Variants in SLK observed in about 807,000 individuals in gnomAD.
The protein encoded by SLK is STE20 like kinase.
In SLK, 67 loss-of-function variants were observed where a neutral mutation model predicts 147.7. The ratio of observed to expected loss-of-function variants is 0.45; its 90% CI spans 0.37 to 0.56. The LOEUF is 0.56. SLK is among the 20% of genes least tolerant of loss of function. The pLI is 0.00. For missense variants in SLK, 1,136 were observed against 1,438.8 expected, an observed-to-expected ratio of 0.79 and a Z score of 3.41; for synonymous variants, 441 against 475.0, an observed-to-expected ratio of 0.93 and a Z score of 0.93.
At chr10:104,003,558 T>G in intron 9 of SLK, 31 bp downstream of exon 9, 7 of 1,503,176 alleles carry the variant, frequency 4.7e-6, no homozygotes, top group Non-Finnish European at 6.2e-6. Flanking sequence ...GTTTGGGTTT[T>G]CCTTTGCCAT....
At chr10:104,019,675 T>C (rs1317557687) in intron 15 of SLK, 59 bp from the exon 16 acceptor site, 4 of 1,231,560 alleles carry the variant, frequency 3.2e-6, no homozygotes, top group Admixed American at 1.8e-5. Flanking sequence ...TATTTGAATA[T>C]GCATGTGGGT....
chr10:103,975,190 C>CT (rs1843853611), intron 1 of SLK, among the ~76,000 whole-genome samples: 1 of 151,652 alleles, frequency 6.6e-6, no homozygotes, highest in Admixed American at 6.6e-5. Context: ...TAAGACCTCC[C>CT]TTTTGAACTC....
intron 1 of SLK, among the ~76,000 whole-genome samples, chr10:103,986,669 T>TTC (rs200868155): frequency 0.05 from 3,763 of 75,428 alleles, 98 homozygotes; most frequent in South Asian, 0.17. Flanking sequence ...ATGTGAAGAG[T>TTC]TTTTTTTTTT....
intron 1 of SLK, among the ~76,000 whole-genome samples, chr10:103,975,895 G>A (rs577260869): frequency 6.6e-6 from 1 of 151,936 alleles, no homozygotes; most frequent in Admixed American, 6.6e-5. Context: ...GGCAACATAG[G>A]GAGACCCCAT....
At chr10:103,981,266 A>G (rs552941774) in intron 1 of SLK, among the ~76,000 whole-genome samples, 20 of 152,040 alleles carry the variant, frequency 1.3e-4, no homozygotes, top group African/African-American at 4.3e-4. Flanking sequence ...CAGATACATG[A>G]TTTGTAAATA....
rs756037016 is a variant in SLK at position 104,006,052 on chromosome 10, A to G, written c.2604+17A>G. On this transcript the variant is annotated intron_variant, in intron 11 of 18. Transcript: ENST00000369755. ...GAAATGATGGTAAAGTCTGATTGTT[A>G]TACCATTTTATATCATTTTGTGTTA... 4 of 1,601,554 alleles carry G rather than the reference A, an allele frequency of 2.5e-6. No homozygotes were observed. The highest frequency in any genetic ancestry group is 2.7e-5 in the African/African-American group (2 of 74,052).
rs780021270 is a variant in SLK, at chr10:104,002,773, G to T, written c.1595G>T (p.Gly532Val). Residue 532 changes from glycine (G) to valine (V), a missense_variant, in exon 9 of 19, where the codon GGG becomes GTG. Physicochemically the swap from Gly to Val is moderately radical, Grantham distance 109. Around this residue, in one of 6 missense-constraint regions of SLK, gnomAD observed 516 missense variants for 531.3 expected, o/e 0.97. Transcript: ENST00000369755. ...LTKEDTQEKL[G>V]EDDKTQKDVI... ...AAGGAAGACACCCAAGAGAAATTGGGGGAAGACGACAAAACTCAAAAAGAT... is the reference window on the plus strand; with the variant it reads ...AAGGAAGACACCCAAGAGAAATTGGTGGAAGACGACAAAACTCAAAAAGAT... 6.2e-7 allele frequency: 1 copy of T among 1,613,978 alleles called. No individual in the cohort carries two copies. The highest frequency in any genetic ancestry group is 8.5e-7 in the Non-Finnish European group (1 of 1,180,022).
chr10:104,018,039 C>T (rs1844486302), intron 13 of SLK, 121 bp from the exon 14 acceptor site: 1 of 698,640 alleles, frequency 1.4e-6, no homozygotes, highest in Non-Finnish European at 2.3e-6. Context: ...TTTTAAAATC[C>T]AGCTAACTTT....
At chr10:104,008,061 T>C (rs1459449575) in intron 11 of SLK, 116 bp from the exon 12 acceptor site, 1 of 749,718 alleles carries the variant, frequency 1.3e-6, no homozygotes, top group Non-Finnish European at 2.2e-6. Flanking sequence ...ATTGTGAAGG[T>C]TATAGTACAT....
At chr10:104,006,592 A>G (rs1844328821) in intron 11 of SLK, among the ~76,000 whole-genome samples, 1 of 152,298 alleles carries the variant, frequency 6.6e-6, no homozygotes, top group East Asian at 1.9e-4. Flanking sequence ...CTTGTGTCCA[A>G]AGTTGGAAAA....
In SLK at chr10:103,976,886, T is replaced by G. The variant is rs1843878890; in HGVS notation, c.150+8991T>G. On this transcript the variant is annotated intron_variant, in intron 1 of 18. Coordinates refer to ENST00000369755, the MANE Select transcript of SLK (RefSeq NM_014720.4). ...TCTTAATATGTATGGCTTTTTGCAC[T>G]TAGCACAGGGTTTCTCAGTGTTGGC... 3.3e-5 allele frequency among the ~76,000 whole-genome samples: 5 copies of G among 152,362 alleles called. No homozygotes were observed. In the South Asian group the frequency reaches 8.3e-4, roughly 25 times the overall value.
chr10:103,980,761 T>A (rs1437293452), intron 1 of SLK, among the ~76,000 whole-genome samples: 1 of 152,218 alleles, frequency 6.6e-6, no homozygotes, highest in African/African-American at 2.4e-5. Flanking sequence ...TTGCATGTTT[T>A]AGCTGTTGTG....
At chr10:103,984,352 A>T (rs1411941532) in intron 1 of SLK, among the ~76,000 whole-genome samples, 2 of 152,176 alleles carry the variant, frequency 1.3e-5, no homozygotes, top group Non-Finnish European at 2.9e-5. Context: ...GTTAGACCTA[A>T]CTTAACTACC....
At chr10:104,020,701 A>G (rs1844523376) in intron 17 of SLK, 88 bp downstream of exon 17, 1 of 1,363,042 alleles carries the variant, frequency 7.3e-7, no homozygotes, top group Non-Finnish European at 1.0e-6. Flanking sequence ...GCCAAAGTCA[A>G]CTGCATCATA....
intron 1 of SLK, among the ~76,000 whole-genome samples, chr10:103,989,711 G>A (rs568159691): frequency 8.2e-4 from 124 of 152,046 alleles, no homozygotes; most frequent in South Asian, 7.5e-3. Flanking sequence ...TTCGTGATCT[G>A]CCTGCCTCGG....
rs1844215228 is a variant in SLK at position 103,999,319 on chromosome 10, A to T, written c.782+6A>T. Reference sequence around the variant, plus strand: ...TTAGCACAGCCATCCAGATGGTAAAAATATTCTTAAAAAAGCTTAATAAGA... The same window carrying T: ...TTAGCACAGCCATCCAGATGGTAAATATATTCTTAAAAAAGCTTAATAAGA... On this transcript the variant is annotated splice_donor_region_variant and intron_variant, in intron 6 of 18. Transcript: ENST00000369755. 6.3e-7 allele frequency: 1 copy of T among 1,580,442 alleles called. No individual in the cohort carries two copies. The highest frequency in any genetic ancestry group is 1.2e-5 in the South Asian group (1 of 85,626).
At chr10:103,984,379 C>G (rs961687591) in intron 1 of SLK, among the ~76,000 whole-genome samples, 6 of 152,096 alleles carry the variant, frequency 3.9e-5, no homozygotes, top group East Asian at 1.9e-4. Context: ...AAGTTGTAAA[C>G]TCTGGCCTGT....
At chr10:103,967,943 C>G (rs1589521298) in intron 1 of SLK, 48 bp downstream of exon 1, 2 of 1,600,494 alleles carry the variant, frequency 1.2e-6, no homozygotes, top group African/African-American at 2.7e-5. Context: ...AAAACAGCCA[C>G]TGGCCTGGAG....
intron 11 of SLK, 38 bp downstream of exon 11, chr10:104,006,073 T>G: frequency 1.3e-6 from 2 of 1,584,734 alleles, no homozygotes; most frequent in Non-Finnish European, 1.7e-6. Context: ...TATCATTTTG[T>G]GTTAATAATG....
Sources: gnomAD v4.1 joint callset for allele counts (sites outside exome capture counted in the v4.1 genomes callset) on GRCh38, gnomAD v4.1.1 for gene constraint, gnomAD v4.1.1 regional missense constraint, MANE v1.5 for transcripts, NCBI Gene and HGNC (gene_info 2026-07-23, HGNC 2026-07-21) for gene names.